CELF1: variants seen among roughly 807,000 people sequenced by gnomAD.
CELF1 encodes the protein CUGBP Elav-like family member 1.
In CELF1, 10 loss-of-function variants were observed where a neutral mutation model predicts 61.8. The observed-to-expected ratio is 0.16, with a 90% CI of 0.10 to 0.27. The LOEUF (loss-of-function observed/expected upper bound fraction) is 0.27, where lower values mean the gene tolerates loss of function less well. CELF1 is among the 10% of genes least tolerant of loss of function. The probability of loss-of-function intolerance (pLI) is 1.00; values close to 1 mark genes in which losing one functional copy is unlikely to be tolerated. For missense variants in CELF1, 380 were observed against 639.1 expected (o/e 0.59, Z 4.37); for synonymous variants, 236 against 225.1 (o/e 1.05, Z -0.43).
At chr11:47,482,564 C>T (rs1006692001) in intron 9 of CELF1, 131 bp downstream of exon 9, 57 of 772,168 alleles carry the variant, frequency 7.4e-5, no homozygotes, top group Non-Finnish European at 1.0e-4. Flanking sequence ...AATAGTACTA[C>T]CTGAATTTTT....
At chr11:47,528,164 T>C (rs1324278023) in intron 1 of CELF1, among the ~76,000 whole-genome samples, 2 of 125,058 alleles carry the variant, frequency 1.6e-5, no homozygotes, top group South Asian at 2.5e-4. Flanking sequence ...TGAAAAGGAA[T>C]TGCTCCAAGT....
At chr11:47,485,891 G>A in intron 6 of CELF1, among the ~76,000 whole-genome samples, 1 of 147,980 alleles carries the variant, frequency 6.8e-6, no homozygotes, top group South Asian at 2.2e-4. Flanking sequence ...GCCAGGCGTG[G>A]TGGCTCACGC....
At chr11:47,529,818 A>G (rs940150423) in intron 1 of CELF1, among the ~76,000 whole-genome samples, 3 of 152,088 alleles carry the variant, frequency 2.0e-5, no homozygotes, top group Admixed American at 1.3e-4. Context: ...AAGACTTAAA[A>G]AAAAAAGAGA....
intron 6 of CELF1, among the ~76,000 whole-genome samples, chr11:47,485,492 C>T (rs2086212077): frequency 6.6e-6 from 1 of 152,096 alleles, no homozygotes; most frequent in South Asian, 2.1e-4. Context: ...CTCTTACTGG[C>T]AATACTACTA....
chr11:47,541,686 CAAAG>C lies in CELF1; in HGVS notation c.-154+11302_-154+11305del, dbSNP rs1555190315. ...GAGCCTGGTGACAGGGCGAGACTGT[CAAAG>C]AAAGAAAGAAAGAAAGAAAGAAAGA... On this transcript the variant is annotated intron_variant, in intron 1 of 14. Transcript: ENST00000687097. Among the ~76,000 whole-genome samples, 76 of 11,700 alleles carry C rather than the reference CAAAG, an allele frequency of 6.5e-3. 4 individuals carry two copies. The highest frequency in any genetic ancestry group is 9.5e-3 in the African/African-American group (74 of 7,768). 7.7% of individuals were successfully genotyped at this position (11,700 alleles called of 152,430 possible). A position where few individuals can be genotyped will look rare whatever the true frequency, so the allele number is the denominator to read the frequency against.
intron 6 of CELF1, 27 bp from the exon 7 acceptor site, chr11:47,484,550 G>T (rs1596392350): frequency 6.3e-7 from 1 of 1,589,354 alleles, no homozygotes. Context: ...GAAAAGACTT[G>T]AATATTACTA....
At chr11:47,489,943 T>TTTTTG (rs2090434269) in intron 3 of CELF1, among the ~76,000 whole-genome samples, 1 of 116,066 alleles carries the variant, frequency 8.6e-6, no homozygotes, top group African/African-American at 3.3e-5. Context: ...TTGTTTTTTT[T>TTTTTG]TTTTTTTTTT....
chr11:47,556,050 C>G (rs939273799), upstream of CELF1, among the ~76,000 whole-genome samples: 2 of 150,878 alleles, frequency 1.3e-5, no homozygotes, highest in East Asian at 1.9e-4. Context: ...AGAGAAATAG[C>G]CTTCTCCAAG....
rs74826911 is a variant in CELF1 at position 47,551,404 on chromosome 11, G to C, written c.-154+1588C>G. Among the ~76,000 whole-genome samples, 856 of 152,238 alleles carry C rather than the reference G, an allele frequency of 5.6e-3. 10 individuals carry two copies. Among genetic ancestry groups the C allele is most frequent in the African/African-American group, 0.019 (774 of 41,544 alleles). ...TACCAACAGTGCTGCTTCAATCTTG[G>C]CTAACTCATGATCAGAAACCACATA... On this transcript the variant is annotated intron_variant, in intron 1 of 14. Transcript: ENST00000687097.
intron 1 of CELF1, among the ~76,000 whole-genome samples, chr11:47,506,642 G>C (rs1409455566): frequency 6.6e-6 from 1 of 152,210 alleles, no homozygotes; most frequent in Non-Finnish European, 1.5e-5. Context: ...AGATAAGCCT[G>C]CCTTGGAAAA....
At chr11:47,489,935 G>GTTTTTTGTTTTTTT (rs1555170256) in intron 3 of CELF1, among the ~76,000 whole-genome samples, 5 of 48,226 alleles carry the variant, frequency 1.0e-4, no homozygotes, top group Admixed American at 6.1e-4. Context: ...ATACCATCTT[G>GTTTTTTGTTTTTTT]TTTTTTTTTT....
chr11:47,505,324 C>T (rs2094390964), intron 1 of CELF1, among the ~76,000 whole-genome samples: 1 of 151,178 alleles, frequency 6.6e-6, no homozygotes, highest in African/African-American at 2.4e-5. Context: ...ATTTAAGCTC[C>T]AGTGCTGATT....
intron 1 of CELF1, among the ~76,000 whole-genome samples, chr11:47,522,615 G>T (rs1428178635): frequency 6.8e-6 from 1 of 147,472 alleles, no homozygotes; most frequent in African/African-American, 2.5e-5. Context: ...ATCACCTGAG[G>T]TCAGGAGTTC....
At position 47,471,622 on chromosome 11, in the gene CELF1, A is replaced by T. The variant is rs2077727042; in HGVS notation, c.*608T>A. ...AATTCCGGACAAGAATCTGAAAAAT[A>T]GGTGTCAAAAACTATTTCCCAGAAG... On this transcript the variant is annotated 3_prime_UTR_variant, in exon 15 of 15. Coordinates refer to ENST00000687097, the MANE Select transcript of CELF1 (RefSeq NM_001376376.1). The T allele has an allele frequency of 6.6e-6, 1 of 152,210 alleles. No individual in the cohort carries two copies. Among genetic ancestry groups the T allele is most frequent in the Admixed American group, 6.5e-5 (1 of 15,282 alleles). The allele number at this position is 152,210 out of a possible 1,614,324, so 9.4% of individuals were successfully genotyped here.
intron 1 of CELF1, among the ~76,000 whole-genome samples, chr11:47,550,729 A>G (rs946725854): frequency 6.6e-6 from 1 of 152,142 alleles, no homozygotes; most frequent in Non-Finnish European, 1.5e-5. Flanking sequence ...TGTATTAAGA[A>G]AAATACACGG....
chr11:47,472,941 G>T, intron 14 of CELF1, 147 bp downstream of exon 14: 1 of 738,560 alleles, frequency 1.4e-6, no homozygotes, highest in Non-Finnish European at 2.1e-6. Context: ...TGAGAAACTG[G>T]GGCTCAAAAA....
chr11:47,546,156 T>C lies in CELF1; in HGVS notation c.-154+6836A>G, dbSNP rs575117143. ...CGATCTCCTGACCTTGTGATCTGCC[T>C]GCCTCGGCCTCCCTACATCTTTTTA... On this transcript the variant is annotated intron_variant, in intron 1 of 14. Transcript: ENST00000687097. 5.0e-4 allele frequency among the ~76,000 whole-genome samples: 76 copies of C among 151,142 alleles called. 3 individuals carry two copies. The highest frequency in any genetic ancestry group is 1.7e-3 in the African/African-American group (71 of 41,190).
intron 9 of CELF1, among the ~76,000 whole-genome samples, chr11:47,481,748 C>G (rs1233523020): frequency 6.6e-6 from 1 of 152,138 alleles, no homozygotes; most frequent in African/African-American, 2.4e-5. Flanking sequence ...CACTGCAGAC[C>G]TAGTAAATCT....
rs1167278842 is a variant in CELF1, at chr11:47,468,149, G to A, written c.*4081C>T. 1 of 152,148 alleles carries A rather than the reference G, an allele frequency of 6.6e-6. No individual in the cohort carries two copies. The highest frequency in any genetic ancestry group is 1.5e-5 in the Non-Finnish European group (1 of 68,048). 9.4% of individuals were successfully genotyped at this position (152,148 alleles called of 1,614,324 possible). A position where few individuals can be genotyped will look rare whatever the true frequency, so the allele number is the denominator to read the frequency against. ...GTGGAGACTGTTGGAACAAGCATGGGGCTGAGGGGAAGGGGCAGGCGGGAT... is the reference window on the plus strand; with the variant it reads ...GTGGAGACTGTTGGAACAAGCATGGAGCTGAGGGGAAGGGGCAGGCGGGAT... On this transcript the variant is annotated 3_prime_UTR_variant, in exon 15 of 15. Coordinates refer to ENST00000687097, the MANE Select transcript of CELF1 (RefSeq NM_001376376.1).
Sources: gnomAD v4.1 joint callset for allele counts (sites outside exome capture counted in the v4.1 genomes callset) on GRCh38, gnomAD v4.1.1 for gene constraint, MANE v1.5 for transcripts, NCBI Gene and HGNC (gene_info 2026-07-23, HGNC 2026-07-21) for gene names.